ATP10B: variants seen among roughly 807,000 people sequenced by gnomAD.
ATP10B encodes the protein phospholipid-transporting ATPase VB.
ATP10B carries 122 observed loss-of-function variants against 141.2 expected under a neutral mutation model. The observed-to-expected ratio is 0.86, with a 90% confidence interval of 0.75 to 1.00. The LOEUF (loss-of-function observed/expected upper bound fraction) is 1.00. Among genes scored for constraint, ATP10B ranks in the 50% least tolerant of loss-of-function variants. The pLI is 0.00. For missense variants in ATP10B, 1,876 were observed against 1,825.3 expected, an observed-to-expected ratio of 1.03 and a Z score of -0.51; for synonymous variants, 685 against 692.0, an observed-to-expected ratio of 0.99 and a Z score of 0.16.
At chr5:160,891,487 G>A in the ATP10B span, among the ~76,000 whole-genome samples, 1,069 of 152,142 alleles carry the variant, frequency 7.0e-3, 10 homozygotes, top group African/African-American at 0.02. Flanking sequence ...ACAGAGTCTC[G>A]CTCCGTCACC....
the ATP10B span, among the ~76,000 whole-genome samples, chr5:160,859,709 A>T: frequency 6.6e-6 from 1 of 151,914 alleles, no homozygotes; most frequent in Non-Finnish European, 1.5e-5. Context: ...TGCTTGTTGG[A>T]AATGGTTTGT....
intron 7 of ATP10B, among the ~76,000 whole-genome samples, chr5:160,656,830 A>G (rs1761538367): frequency 6.6e-6 from 1 of 152,216 alleles, no homozygotes; most frequent in Non-Finnish European, 1.5e-5. Context: ...CGATTGAAGA[A>G]AGGGAAACCA....
intron 3 of ATP10B, among the ~76,000 whole-genome samples, chr5:160,715,311 C>T (rs188282502): frequency 2.7e-3 from 349 of 130,880 alleles, no homozygotes; most frequent in African/African-American, 9.6e-3. Context: ...GGGATATAGT[C>T]TCGTGGTGCG....
chr5:160,659,122 A>T (rs144582708), intron 7 of ATP10B, among the ~76,000 whole-genome samples: 22 of 152,330 alleles, frequency 1.4e-4, no homozygotes, highest in African/African-American at 5.0e-4. Context: ...GATATAATTC[A>T]TTAATACCTT....
the ATP10B span, among the ~76,000 whole-genome samples, chr5:160,907,941 C>A: frequency 3.3e-5 from 5 of 152,146 alleles, no homozygotes; most frequent in Non-Finnish European, 1.5e-5. Context: ...TCATACTCTG[C>A]GCCTCAGTGA....
intron 7 of ATP10B, among the ~76,000 whole-genome samples, chr5:160,655,386 A>C (rs543564088): frequency 6.6e-6 from 1 of 151,948 alleles, no homozygotes; most frequent in Non-Finnish European, 1.5e-5. Context: ...ATGTGCTGCC[A>C]CCACTGCTGC....
chr5:160,704,476 G>A (rs998500181), intron 3 of ATP10B, among the ~76,000 whole-genome samples: 1 of 152,152 alleles, frequency 6.6e-6, no homozygotes, highest in Non-Finnish European at 1.5e-5. Flanking sequence ...TCTAGGCTTT[G>A]TTGTCCTAAT....
chr5:160,688,630 G>T, intron 4 of ATP10B, 130 bp downstream of exon 4: 1 of 396,094 alleles, frequency 2.5e-6, no homozygotes, highest in Non-Finnish European at 3.4e-6. Context: ...AGATTTTTGT[G>T]AGGAACAAAT....
chr5:160,853,821 ACTAT>A (rs1306418381), upstream of ATP10B, among the ~76,000 whole-genome samples: 2 of 152,202 alleles, frequency 1.3e-5, no homozygotes, highest in African/African-American at 2.4e-5. Flanking sequence ...TATTAGAGGG[ACTAT>A]CTTTCTTTTG....
intron 7 of ATP10B, among the ~76,000 whole-genome samples, chr5:160,659,725 G>A (rs181323808): frequency 7.6e-4 from 115 of 152,044 alleles, no homozygotes; most frequent in Non-Finnish European, 4.7e-4. Context: ...GTTTTTCATA[G>A]GGTTGCCCCA....
the ATP10B span, among the ~76,000 whole-genome samples, chr5:160,865,904 C>A: frequency 6.6e-6 from 1 of 151,964 alleles, no homozygotes; most frequent in Non-Finnish European, 1.5e-5. Flanking sequence ...ATTAAAAAGT[C>A]AAAAAACAAT....
chr5:160,621,871 T>C (rs1426647053), intron 14 of ATP10B, among the ~76,000 whole-genome samples: 1 of 152,218 alleles, frequency 6.6e-6, no homozygotes, highest in Non-Finnish European at 1.5e-5. Context: ...ACAGTATTAT[T>C]TTTAACCCGT....
chr5:160,773,292 G>C (rs1238459238), intron 2 of ATP10B, among the ~76,000 whole-genome samples: 1 of 152,188 alleles, frequency 6.6e-6, no homozygotes, highest in Admixed American at 6.5e-5. Flanking sequence ...GTTTTAGACA[G>C]GCTTTGCAAT....
chr5:160,718,823 T>A (rs1289228214), intron 2 of ATP10B, among the ~76,000 whole-genome samples: 4 of 152,102 alleles, frequency 2.6e-5, no homozygotes, highest in African/African-American at 7.2e-5. Context: ...ACTGCTACAC[T>A]GGGGATCAAA....
the ATP10B span, among the ~76,000 whole-genome samples, chr5:160,924,001 G>T: frequency 6.6e-6 from 1 of 152,152 alleles, no homozygotes; most frequent in East Asian, 1.9e-4. Flanking sequence ...TTGATGAAAG[G>T]GTTGTCTGGG....
chr5:160,598,718 G>A, intron 22 of ATP10B, 52 bp downstream of exon 22: 1 of 1,553,574 alleles, frequency 6.4e-7, no homozygotes, highest in Non-Finnish European at 8.9e-7. Flanking sequence ...AGGGGAGGTA[G>A]AGGTCAGTAA....
chr5:160,703,890 A>G (rs573001004), intron 3 of ATP10B, among the ~76,000 whole-genome samples: 1 of 152,362 alleles, frequency 6.6e-6, no homozygotes, highest in South Asian at 2.1e-4. Context: ...CAGAATGAAT[A>G]TTATGTTAGC....
chr5:160,901,186 C>A, the ATP10B span, among the ~76,000 whole-genome samples: 1 of 152,262 alleles, frequency 6.6e-6, no homozygotes, highest in South Asian at 2.1e-4. Context: ...AAGCCACATT[C>A]TACCTAAGAT....
At chr5:160,912,440 A>AAG in the ATP10B span, among the ~76,000 whole-genome samples, 1,230 of 134,696 alleles carry the variant, frequency 9.1e-3, 14 homozygotes, top group South Asian at 0.026. Context: ...AAAAAAAAAA[A>AAG]AGAGAAAACT....
Sources: gnomAD v4.1 joint callset for allele counts (sites outside exome capture counted in the v4.1 genomes callset) on GRCh38, gnomAD v4.1.1 for gene constraint, MANE v1.5 for transcripts, NCBI Gene and HGNC (gene_info 2026-07-23, HGNC 2026-07-21) for gene names.